Variants in PLEKHH2 observed in about 807,000 individuals in gnomAD.
The protein encoded by PLEKHH2 is pleckstrin homology domain-containing family H member 2.
PLEKHH2 carries 129 observed loss-of-function variants against 187.9 expected under a neutral mutation model. The observed-to-expected ratio is 0.69, with a 90% CI of 0.59 to 0.79. The LOEUF is 0.79. Ranked by LOEUF, PLEKHH2 falls within the 30% of genes least tolerant of loss-of-function variation. The pLI, the probability that PLEKHH2 is intolerant of heterozygous loss-of-function variation, is 0.00. For missense variants in PLEKHH2, 2,076 were observed against 1,751.2 expected, an observed-to-expected ratio of 1.19 and a Z score of -3.31; for synonymous variants, 686 against 605.6, an observed-to-expected ratio of 1.13 and a Z score of -1.95.
chr2:43,740,103 A>T (rs1671491293), intron 20 of PLEKHH2, among the ~76,000 whole-genome samples: 1 of 152,224 alleles, frequency 6.6e-6, no homozygotes, highest in Non-Finnish European at 1.5e-5. Context: ...TACATAGGAA[A>T]CAAGGGCAAA....
At chr2:43,700,895 C>G (rs1669331444) in intron 8 of PLEKHH2, among the ~76,000 whole-genome samples, 1 of 152,192 alleles carries the variant, frequency 6.6e-6, no homozygotes, top group Admixed American at 6.5e-5. Context: ...AGTGATCCAC[C>G]TGCCTTTGCC....
At chr2:43,642,555 C>G (rs181155269) in intron 1 of PLEKHH2, among the ~76,000 whole-genome samples, 130 of 152,240 alleles carry the variant, frequency 8.5e-4, no homozygotes, top group African/African-American at 3.0e-3. Flanking sequence ...AGGGAGAAAA[C>G]TGTCAGTCAT....
At chr2:43,651,075 T>C (rs1023522341) in intron 2 of PLEKHH2, among the ~76,000 whole-genome samples, 1 of 152,242 alleles carries the variant, frequency 6.6e-6, no homozygotes, top group African/African-American at 2.4e-5. Context: ...GTAATATAGA[T>C]TGTGAAAATG....
At chr2:43,640,419 G>T (rs1317358670) in intron 1 of PLEKHH2, among the ~76,000 whole-genome samples, 1 of 152,000 alleles carries the variant, frequency 6.6e-6, no homozygotes, top group Non-Finnish European at 1.5e-5. Context: ...TTGAACTCCT[G>T]ACCTCAGAGA....
intron 2 of PLEKHH2, among the ~76,000 whole-genome samples, chr2:43,672,599 CT>C (rs1158847479): frequency 3.9e-5 from 6 of 152,144 alleles, no homozygotes; most frequent in African/African-American, 1.4e-4. Flanking sequence ...CATTTGAACC[CT>C]TTTTCTATGT....
At chr2:43,676,699 A>G (rs1476818972) in intron 2 of PLEKHH2, among the ~76,000 whole-genome samples, 1 of 152,192 alleles carries the variant, frequency 6.6e-6, no homozygotes, top group Non-Finnish European at 1.5e-5. Context: ...GGTACAACAC[A>G]TCCCGTATGT....
chr2:43,674,403 G>A (rs1208992549), intron 2 of PLEKHH2, among the ~76,000 whole-genome samples: 1 of 152,194 alleles, frequency 6.6e-6, no homozygotes, highest in Admixed American at 6.5e-5. Context: ...AGTAGTGGAA[G>A]AATGTGGTAT....
rs1672619166 is a variant in PLEKHH2, at chr2:43,766,302, A to G, written c.*704A>G. ...CATTCCTTGGCTGTCAGTGCTGCCC[A>G]GATTCAGAAGAATATTGCCCACATT... On this transcript the variant is annotated 3_prime_UTR_variant, in exon 30 of 30. Coordinates refer to ENST00000282406, the MANE Select transcript of PLEKHH2 (RefSeq NM_172069.4). The G allele has an allele frequency of 6.5e-6, 1 of 152,800 alleles. No individual in the cohort carries two copies. Among genetic ancestry groups the G allele is most frequent in the African/African-American group, 2.4e-5 (1 of 41,464 alleles). 9.5% of individuals were successfully genotyped at this position (152,800 alleles called of 1,614,324 possible).
chr2:43,691,480 T>C (rs565145946), intron 3 of PLEKHH2, among the ~76,000 whole-genome samples: 2 of 152,266 alleles, frequency 1.3e-5, no homozygotes, highest in Non-Finnish European at 2.9e-5. Flanking sequence ...GGTAGGTATA[T>C]GTAAAATAGG....
In PLEKHH2 at chr2:43,670,989, C is replaced by T. The variant is rs566681148; in HGVS notation, c.124-7874C>T. Among the ~76,000 whole-genome samples the T allele has an allele frequency of 4.9e-5, 7 of 143,028 alleles. No individual in the cohort carries two copies. In the East Asian group the frequency reaches 1.2e-3, roughly 25 times the overall value. 93.8% of individuals were successfully genotyped at this position (143,028 alleles called of 152,430 possible). A position where few individuals can be genotyped will look rare whatever the true frequency, so the allele number is the denominator to read the frequency against. On this transcript the variant is annotated intron_variant, in intron 2 of 29. Transcript: ENST00000282406. ...GTTTATTGCTCTTATTTTTTTTTAA[C>T]TTTTTTTTTTTTGAGATGAAGTGTC... is the stretch of plus-strand genomic sequence containing the variant.
intron 1 of PLEKHH2, among the ~76,000 whole-genome samples, chr2:43,640,817 C>T (rs1280105487): frequency 1.3e-5 from 2 of 151,272 alleles, no homozygotes; most frequent in African/African-American, 4.9e-5. Flanking sequence ...CGGGGTCTCC[C>T]TCTGTCGCCC....
chr2:43,716,673 T>C (rs1437615850), intron 15 of PLEKHH2, among the ~76,000 whole-genome samples: 1 of 152,202 alleles, frequency 6.6e-6, no homozygotes, highest in East Asian at 1.9e-4. Flanking sequence ...AGCAGAATAA[T>C]TTTACAGTGT....
chr2:43,759,027 A>G lies in PLEKHH2; in HGVS notation c.4069A>G (p.Lys1357Glu). The part of the protein sequence containing the change: ...PFFGAKLFLA[K>E]PITPSSLGST... ...CTTTGGTGCCAAGTTGTTTCTTGCA[A>G]AAGTAAGAAAGAATGGGAGAGAGAT... The change falls in exon 27 of 30, where the codon AAA becomes GAA. Residue 1357 changes from lysine to glutamate, a missense_variant and splice_region_variant. Transcript: ENST00000282406. 1.2e-6 allele frequency: 2 copies of G among 1,611,688 alleles called. No individual in the cohort carries two copies. Among genetic ancestry groups the G allele is most frequent in the South Asian group, 2.2e-5 (2 of 90,800 alleles).
At chr2:43,711,239 G>T in intron 14 of PLEKHH2, 1 of 985,428 alleles carries the variant, frequency 1.0e-6, no homozygotes, top group Non-Finnish European at 1.2e-6. Flanking sequence ...TTGGAGGGTG[G>T]AGGACAACTT....
At chr2:43,656,279 AT>A (rs1030744121) in intron 2 of PLEKHH2, among the ~76,000 whole-genome samples, 3 of 151,900 alleles carry the variant, frequency 2.0e-5, no homozygotes, top group Admixed American at 1.3e-4. Flanking sequence ...TTAAATGGGC[AT>A]TTTTTTTGCC....
chr2:43,732,686 C>T (rs1353175999), intron 19 of PLEKHH2, among the ~76,000 whole-genome samples: 1 of 152,100 alleles, frequency 6.6e-6, no homozygotes, highest in Non-Finnish European at 1.5e-5. Context: ...TGTTTTGAAC[C>T]ATTAGCTTTT....
chr2:43,754,425 A>G (rs1029457057), intron 25 of PLEKHH2, among the ~76,000 whole-genome samples: 5 of 151,852 alleles, frequency 3.3e-5, no homozygotes, highest in Admixed American at 3.3e-4. Flanking sequence ...TGAAAAGGGC[A>G]TGCTCTCCCG....
intron 2 of PLEKHH2, among the ~76,000 whole-genome samples, chr2:43,657,644 C>A (rs1211662797): frequency 6.6e-6 from 1 of 152,180 alleles, no homozygotes; most frequent in East Asian, 1.9e-4. Flanking sequence ...TACTGGATCA[C>A]CTTCTGGTTG....
At chr2:43,708,136 G>A (rs1003734469) in intron 11 of PLEKHH2, among the ~76,000 whole-genome samples, 4 of 152,094 alleles carry the variant, frequency 2.6e-5, no homozygotes, top group African/African-American at 4.8e-5. Context: ...CAATCCCCTC[G>A]GCTTCAACTG....
Sources: allele counts gnomAD v4.1 joint callset (sites outside exome capture counted in the v4.1 genomes callset), GRCh38; gene constraint gnomAD v4.1.1; transcripts MANE v1.5; gene names NCBI Gene and HGNC (gene_info 2026-07-23, HGNC 2026-07-21).